Variants in ST14 observed in about 807,000 individuals in gnomAD.
The protein encoded by ST14 is suppressor of tumorigenicity 14 protein.
A neutral mutation model predicts 96.5 loss-of-function variants in ST14; 40 were observed. The ratio of observed to expected loss-of-function variants is 0.41; its 90% CI spans 0.32 to 0.54. The LOEUF is 0.54. ST14 is among the 20% of genes least tolerant of loss of function. The pLI is 0.17. For missense variants in ST14, 1,066 were observed against 1,188.9 expected (o/e 0.90, Z 1.52); for synonymous variants, 506 against 492.1 (o/e 1.03, Z -0.37).
At chr11:130,185,746 CATT>C (rs1270960467) in intron 1 of ST14, among the ~76,000 whole-genome samples, 5 of 152,092 alleles carry the variant, frequency 3.3e-5, no homozygotes, top group Non-Finnish European at 4.4e-5. Context: ...GAGTTTATAA[CATT>C]ATCATATTTC....
intron 1 of ST14, among the ~76,000 whole-genome samples, chr11:130,184,364 T>C (rs556656345): frequency 2.6e-5 from 4 of 152,206 alleles, no homozygotes; most frequent in South Asian, 4.1e-4. Context: ...AAACGCAAAA[T>C]ACGGGAGAGA....
intron 9 of ST14, among the ~76,000 whole-genome samples, chr11:130,195,226 C>T (rs554007031): frequency 4.6e-5 from 7 of 152,230 alleles, no homozygotes; most frequent in Non-Finnish European, 1.0e-4. Context: ...CCAGCCTGGG[C>T]AACAGTGAGA....
At chr11:130,203,069 T>C (rs537388583) in intron 16 of ST14, among the ~76,000 whole-genome samples, 2 of 152,288 alleles carry the variant, frequency 1.3e-5, no homozygotes, top group South Asian at 4.1e-4. Context: ...ACTGTCAGAC[T>C]TACCGATTGG....
At position 130,198,399 on chromosome 11, in the gene ST14, C is replaced by G; in HGVS notation, c.1551C>G (p.Asn517Lys). 1.2e-6 allele frequency: 2 copies of G among 1,614,146 alleles called. No homozygotes were observed. Among genetic ancestry groups the G allele is most frequent in the Non-Finnish European group, 1.7e-6 (2 of 1,180,024 alleles). Reference sequence around the variant, plus strand: ...ACAGTGTGAACGACTGCGGAGACAACAGCGACGAGCAGGGGTGCAGTGAGT... The same window carrying G: ...ACAGTGTGAACGACTGCGGAGACAAGAGCGACGAGCAGGGGTGCAGTGAGT... ...VCDSVNDCGD[N>K]SDEQGCSCPA... The change falls in exon 13 of 19, where the codon AAC (asparagine) becomes AAG (lysine). Residue 517 changes from asparagine to lysine, a missense_variant. Coordinates refer to ENST00000278742, the MANE Select transcript of ST14 (RefSeq NM_021978.4).
intron 1 of ST14, among the ~76,000 whole-genome samples, chr11:130,186,468 G>A (rs1953238984): frequency 6.6e-6 from 1 of 152,152 alleles, no homozygotes; most frequent in African/African-American, 2.4e-5. Context: ...TGGCCCTCAG[G>A]AAGAACATGA....
At chr11:130,201,842 T>C (rs1953431956) in intron 16 of ST14, among the ~76,000 whole-genome samples, 1 of 152,234 alleles carries the variant, frequency 6.6e-6, no homozygotes, top group Non-Finnish European at 1.5e-5. Context: ...CCTCCCAAAG[T>C]GCTGGCATTA....
Position 130,189,748 on chromosome 11 carries a change from C to A in ST14, c.450C>A (p.Ser150Arg), listed in dbSNP as rs755460482. Residue 150 changes from serine (S) to arginine (R), a missense_variant, in exon 5 of 19, where the codon AGC becomes AGA. Coordinates refer to ENST00000278742, the MANE Select transcript of ST14 (RefSeq NM_021978.4). ...ESAVTAFSEGSVIAYYWSEFS... is the reference protein window; with the variant it reads ...ESAVTAFSEGRVIAYYWSEFS... ...CCCGCTCTCTCCCCAGCGAGGGCAG[C>A]GTCATCGCCTACTACTGGTCTGAGT... 5.6e-6 allele frequency: 9 copies of A among 1,612,368 alleles called. No homozygotes were observed. The highest frequency in any genetic ancestry group is 6.8e-6 in the Non-Finnish European group (8 of 1,179,898).
intron 1 of ST14, among the ~76,000 whole-genome samples, chr11:130,165,830 G>A (rs1426943729): frequency 6.6e-6 from 1 of 152,234 alleles, no homozygotes; most frequent in African/African-American, 2.4e-5. Flanking sequence ...AAGGGTTTGT[G>A]TAAAGGCAGT....
chr11:130,198,554 G>A lies in ST14; in HGVS notation c.1617G>A (p.Ser539=), dbSNP rs369952165. The A allele has an allele frequency of 2.2e-4, 362 of 1,614,078 alleles. 3 individuals carry two copies. In the South Asian group the frequency reaches 2.9e-3, roughly 13 times the overall value. Residue 539 remains serine, a synonymous_variant, in exon 14 of 19, where the codon TCG becomes TCA. Transcript: ENST00000278742. ...GGTGTTCCAATGGGAAGTGCCTCTCGAAAAGCCAGCAGTGCAATGGGAAGG... is the reference window on the plus strand; with the variant it reads ...GGTGTTCCAATGGGAAGTGCCTCTCAAAAAGCCAGCAGTGCAATGGGAAGG... ...TFRCSNGKCL[S]KSQQCNGKDD...
rs76468669 is a variant in ST14 at position 130,160,668 on chromosome 11, A to T, written c.81+608A>T. On this transcript the variant is annotated intron_variant, in intron 1 of 18. Transcript: ENST00000278742. ...TATGGGAAGGGATGTGGGAACACAC[A>T]TGTCTTGAGCCTTTTGCGAAGTACC... Among the ~76,000 whole-genome samples the T allele has an allele frequency of 5.9e-5, 9 of 152,282 alleles. No individual in the cohort carries two copies. In the East Asian group the frequency reaches 1.7e-3, roughly 30 times the overall value.
rs2324001 is a variant in ST14 at position 130,197,007 on chromosome 11, G to A, written c.1354+307G>A. On this transcript the variant is annotated intron_variant, in intron 11 of 18. Transcript: ENST00000278742. ...TCTGTCCCTCAGGCCCACCTTCACC[G>A]TGACTTTGATCATCTGTGCTTGCCT... Among the ~76,000 whole-genome samples the A allele has an allele frequency of 0.69, 105,289 of 151,868 alleles. 36,837 individuals are homozygous for A. The highest frequency in any genetic ancestry group is 0.94 in the East Asian group (4,826 of 5,148).
At chr11:130,166,939 G>A (rs539612207) in intron 1 of ST14, among the ~76,000 whole-genome samples, 205 of 152,336 alleles carry the variant, frequency 1.3e-3, no homozygotes, top group African/African-American at 4.1e-3. Flanking sequence ...GGCCGGGTGC[G>A]GTGGTTCATG....
At chr11:130,190,743 C>T (rs750696873) in intron 7 of ST14, 49 bp downstream of exon 7, 4 of 1,522,096 alleles carry the variant, frequency 2.6e-6, no homozygotes, top group Admixed American at 4.1e-5. Flanking sequence ...GGCGGCTGCC[C>T]TGTAGGGGGC....
intron 1 of ST14, among the ~76,000 whole-genome samples, chr11:130,173,595 CAAA>C (rs1372572280): frequency 1.1e-5 from 1 of 93,400 alleles, no homozygotes. Context: ...GACTCTGTCT[CAAA>C]AAAAAAAAAA....
At position 130,189,808 on chromosome 11, in the gene ST14, G is replaced by C. The variant is rs766529997; in HGVS notation, c.510G>C (p.Glu170Asp). 5 of 1,613,916 alleles carry C rather than the reference G, an allele frequency of 3.1e-6. No individual in the cohort carries two copies. In the South Asian group the frequency reaches 4.4e-5, roughly 14 times the overall value. ...SIPQHLVEEAERVMAEERVVM... is the reference protein window; with the variant it reads ...SIPQHLVEEADRVMAEERVVM... Reference sequence around the variant, plus strand: ...CGCAGCACCTGGTGGAGGAGGCCGAGCGCGTCATGGCCGAGGAGCGCGTAG... The same window carrying C: ...CGCAGCACCTGGTGGAGGAGGCCGACCGCGTCATGGCCGAGGAGCGCGTAG... Residue 170 changes from glutamate to aspartate, a missense_variant, in exon 5 of 19, where the codon GAG (glutamate) becomes GAC (aspartate). Transcript: ENST00000278742.
At chr11:130,200,906 G>A (rs566667930) in intron 16 of ST14, among the ~76,000 whole-genome samples, 35 of 152,346 alleles carry the variant, frequency 2.3e-4, no homozygotes, top group African/African-American at 3.8e-4. Flanking sequence ...GCAACTCCTC[G>A]GATTGGCCAA....
intron 1 of ST14, among the ~76,000 whole-genome samples, chr11:130,166,270 A>G (rs1056289207): frequency 9.2e-5 from 14 of 152,262 alleles, no homozygotes; most frequent in African/African-American, 9.6e-5. Flanking sequence ...CTTGCTGTCT[A>G]TGGTTCAATG....
Position 130,209,551 on chromosome 11 carries a change from C to T in ST14, c.2379C>T (p.Phe793=), listed in dbSNP as rs1391439148. 3 of 1,575,600 alleles carry T rather than the reference C, an allele frequency of 1.9e-6. No homozygotes were observed. Among genetic ancestry groups the T allele is most frequent in the African/African-American group, 2.7e-5 (2 of 74,308 alleles). ...CGCCGCGCATGATGTGCGTGGGCTT[C>T]CTCAGCGGCGGCGTGGACTCCTGCC... is the stretch of plus-strand genomic sequence containing the variant. ...QITPRMMCVG[F]LSGGVDSCQG... The change falls in exon 18 of 19, where the codon TTC becomes TTT. Residue 793 remains phenylalanine (F), a synonymous_variant. Coordinates refer to ENST00000278742, the MANE Select transcript of ST14 (RefSeq NM_021978.4).
At chr11:130,198,654 G>A (rs1953395234) in intron 14 of ST14, 33 bp downstream of exon 14, 1 of 1,595,662 alleles carries the variant, frequency 6.3e-7, no homozygotes, top group African/African-American at 1.3e-5. Flanking sequence ...TCCTGTTGGG[G>A]GCCTCGCCCC....
Sources: gnomAD v4.1 joint callset for allele counts (sites outside exome capture counted in the v4.1 genomes callset) on GRCh38, gnomAD v4.1.1 for gene constraint, MANE v1.5 for transcripts, NCBI Gene and HGNC (gene_info 2026-07-23, HGNC 2026-07-21) for gene names.